SLC12A4: variants seen among roughly 807,000 people sequenced by gnomAD.
SLC12A4 encodes the protein solute carrier family 12 member 4, also known as electroneutral potassium-chloride cotransporter 1.
Under a neutral mutation model 119.2 loss-of-function variants are expected in SLC12A4, and 84 were observed. That is an observed-to-expected ratio of 0.70 (90% CI 0.59 to 0.85). The LOEUF (loss-of-function observed/expected upper bound fraction) is 0.85. Among genes scored for constraint, SLC12A4 ranks in the 40% least tolerant of loss-of-function variants. The probability of loss-of-function intolerance (pLI) is 0.00; values close to 1 mark genes in which losing one functional copy is unlikely to be tolerated. For synonymous variants in SLC12A4, 599 were observed against 604.6 expected (o/e 0.99, Z 0.14); for missense variants, 1,298 against 1,476.3 (o/e 0.88, Z 1.98).
At chr16:67,954,062 G>C in intron 6 of SLC12A4, 1 of 304,084 alleles carries the variant, frequency 3.3e-6, no homozygotes, top group South Asian at 2.4e-5. Flanking sequence ...TGGATCCCCA[G>C]GGGCGGGCAC....
rs531432718 is a variant in SLC12A4, at chr16:67,966,860, C to T, written c.115+1579G>A. On this transcript the variant is annotated intron_variant, in intron 1 of 23. Transcript: ENST00000316341. The stretch of plus-strand genomic sequence containing the variant: ...CAGTGGGAGGAGCTGGCCTAGCTTG[C>T]GGGGATCTAGCAGGACTCAGCCAAT... 8.8e-5 allele frequency: 135 copies of T among 1,536,838 alleles called. 3 individuals are homozygous for T. In the South Asian group the frequency reaches 1.3e-3, roughly 14 times the overall value.
chr16:67,961,504 GAA>G, intron 3 of SLC12A4, 69 bp downstream of exon 3: 1 of 1,571,152 alleles, frequency 6.4e-7, no homozygotes, highest in Non-Finnish European at 8.6e-7. Context: ...ACCATGTGGG[GAA>G]ACAGTCAATT....
chr16:67,947,808 A>G lies in SLC12A4; in HGVS notation c.1848-20T>C. On this transcript the variant is annotated intron_variant, in intron 14 of 23. Transcript: ENST00000316341. ...AGCGCCCTGGACGAGAGGGGAGGGC[A>G]GAGTCAGGGCAGGACCAGGAGGACC... The G allele has an allele frequency of 6.4e-7, 1 of 1,571,992 alleles. No individual in the cohort carries two copies. The highest frequency in any genetic ancestry group is 2.4e-5 in the East Asian group (1 of 42,390).
At chr16:67,960,102 G>A (rs1211626515) in intron 3 of SLC12A4, among the ~76,000 whole-genome samples, 2 of 152,216 alleles carry the variant, frequency 1.3e-5, no homozygotes, top group South Asian at 4.1e-4. Flanking sequence ...GCATCCTCAC[G>A]GGTTCCCCAT....
rs1172949597 is a variant in SLC12A4, at chr16:67,945,665, G to T, written c.2847+99C>A. ...GGAAATGAGCACTAGCTTGGGTAGG[G>T]CTGCGGTGAGTCATTCTGATTCCTC... On this transcript the variant is annotated intron_variant, in intron 21 of 23. Coordinates refer to ENST00000316341, the MANE Select transcript of SLC12A4 (RefSeq NM_005072.5). 8.7e-6 allele frequency: 13 copies of T among 1,492,268 alleles called. No homozygotes were observed. The East Asian group carries it at 2.7e-4, about 31-fold the overall frequency. The allele number at this position is 1,492,268 out of a possible 1,614,324, so 92.4% of individuals were successfully genotyped here.
Position 67,951,173 on chromosome 16 carries a change from C to G in SLC12A4, c.1264G>C (p.Val422Leu). 3.1e-6 allele frequency: 5 copies of G among 1,613,984 alleles called. No individual in the cohort carries two copies. The highest frequency in any genetic ancestry group is 4.2e-6 in the Non-Finnish European group (5 of 1,179,938). ...VVADIATSFT[V>L]LVGIFFPSVT... ...GAAGGGAAGAAGATGCCGACCAGCA[C>G]GGTGAAGGATGTGGCGATGTCAGCG... is the stretch of plus-strand genomic sequence containing the variant. The change falls in exon 9 of 24, where the codon GTG (valine) becomes CTG (leucine). Residue 422 changes from valine to leucine, a missense_variant. By Grantham distance (32) the Val-to-Leu change is conservative. Coordinates refer to ENST00000316341, the MANE Select transcript of SLC12A4 (RefSeq NM_005072.5). This position sits in a 1 kb window ranked among gnomAD's most constrained non-coding sequence, Gnocchi z 5.2.
intron 16 of SLC12A4, 105 bp downstream of exon 16, chr16:67,947,226 C>G: frequency 1.3e-6 from 2 of 1,482,058 alleles, no homozygotes; most frequent in Non-Finnish European, 1.8e-6. Context: ...CAGGAGGGTG[C>G]CCCGGGCAGC....
Position 67,949,805 on chromosome 16 carries a change from T to C in SLC12A4, c.1743A>G (p.Leu581=), listed in dbSNP as rs758604300. 8 of 1,607,422 alleles carry C rather than the reference T, an allele frequency of 5.0e-6. No individual in the cohort carries two copies. In the African/African-American group the frequency reaches 9.4e-5, roughly 19 times the overall value. ...IASLDMVAPI[L]SMFFLMCYLF... ...CCTGCCCGGCCCCAGCTCACATGGA[T>C]AAGATGGGGGCCACCATGTCGAGGG... The change falls in exon 13 of 24, where the codon TTA becomes TTG. Residue 581 remains leucine, a synonymous_variant. Transcript: ENST00000316341. This position sits in a 1 kb window ranked among gnomAD's most constrained non-coding sequence, Gnocchi z 4.6.
rs143251079 is a variant in SLC12A4, at chr16:67,945,096, C to T, written c.3157G>A (p.Asp1053Asn). 1.6e-5 allele frequency: 26 copies of T among 1,581,580 alleles called. No homozygotes were observed. Among genetic ancestry groups the T allele is most frequent in the Middle Eastern group, 1.7e-4 (1 of 5,934 alleles). ...CTCCACAAAGGGATACAGTTCTCGT[C>T]GCCCTCACTGTTCCTGGGTGGGCCA... is the stretch of plus-strand genomic sequence containing the variant. Reference protein sequence around the residue: ...MPGPPRNSEGDENYMEFLEVL... With the variant: ...MPGPPRNSEGNENYMEFLEVL... Residue 1053 changes from aspartate (D) to asparagine (N), a missense_variant, in exon 23 of 24, where the codon GAC (aspartate) becomes AAC (asparagine). Asp to Asn is a conservative substitution (Grantham distance 23). Transcript: ENST00000316341.
intron 1 of SLC12A4, chr16:67,966,976 T>C: frequency 1.7e-6 from 2 of 1,171,726 alleles, no homozygotes; most frequent in South Asian, 3.4e-5. Flanking sequence ...TGCCCACTGG[T>C]CCAGGCTGAT....
chr16:67,964,572 C>T (rs1052101913), intron 1 of SLC12A4, among the ~76,000 whole-genome samples: 4 of 152,138 alleles, frequency 2.6e-5, no homozygotes, highest in Non-Finnish European at 5.9e-5. Flanking sequence ...CCGGCCCTGG[C>T]TCAAGGCCTC....
rs758875059 is a variant in SLC12A4, at chr16:67,947,036, G to A, written c.2142C>T (p.Phe714=). The A allele has an allele frequency of 4.0e-5, 65 of 1,612,668 alleles. No individual in the cohort carries two copies. The highest frequency in any genetic ancestry group is 1.7e-4 in the Middle Eastern group (1 of 6,042). The change falls in exon 17 of 24, where the codon TTC becomes TTT. Residue 714 remains phenylalanine (F), a synonymous_variant. Coordinates refer to ENST00000316341, the MANE Select transcript of SLC12A4 (RefSeq NM_005072.5). ...LHVKYPRLLT[F]ASQLKAGKGL... ...CCTTGCCAGCCTTGAGCTGGGAGGC[G>A]AAGGTGAGGAGCCGCGGGTACTTCA...
chr16:67,944,483 G>A lies in SLC12A4; in HGVS notation c.*357C>T, dbSNP rs989822352. The A allele has an allele frequency of 1.9e-5, 24 of 1,244,908 alleles. No homozygotes were observed. Among genetic ancestry groups the A allele is most frequent in the African/African-American group, 6.1e-5 (4 of 66,044 alleles). The allele number at this position is 1,244,908 out of a possible 1,614,324, so 77.1% of individuals were successfully genotyped here. On this transcript the variant is annotated 3_prime_UTR_variant, in exon 24 of 24. Transcript: ENST00000316341. The surrounding 1 kb of genome is among the most constrained non-coding windows in gnomAD (Gnocchi z 6.6). ...TCCCTCCCTGGCTACCCTTCCCTTC[G>A]TCTCTGATGGTGACATCCAAACAAT...
At chr16:67,952,648 G>A (rs1030042800) in intron 6 of SLC12A4, among the ~76,000 whole-genome samples, 5 of 148,142 alleles carry the variant, frequency 3.4e-5, no homozygotes, top group African/African-American at 5.0e-5. Flanking sequence ...AAAATTAGCC[G>A]GGCGTGGTGG....
Position 67,943,609 on chromosome 16 carries a change from C to A in SLC12A4, c.*1231G>T. 1 of 507,988 alleles carries A rather than the reference C, an allele frequency of 2.0e-6. No homozygotes were observed. Among genetic ancestry groups the A allele is most frequent in the Non-Finnish European group, 3.6e-6 (1 of 279,952 alleles). The allele number at this position is 507,988 out of a possible 1,614,324, so 31.5% of individuals were successfully genotyped here. A position where few individuals can be genotyped will look rare whatever the true frequency, so the allele number is the denominator to read the frequency against. On this transcript the variant is annotated 3_prime_UTR_variant, in exon 24 of 24. Transcript: ENST00000316341. This position sits in a 1 kb window ranked among gnomAD's most constrained non-coding sequence, Gnocchi z 4.6. ...CCGATCCTGGGCTGGGCATCTTGTC[C>A]TTGGTGGGTGGGGGCCAAGGAAGGA...
intron 13 of SLC12A4, among the ~76,000 whole-genome samples, chr16:67,948,771 A>G (rs570683260): frequency 1.6e-3 from 244 of 152,136 alleles, no homozygotes; most frequent in African/African-American, 5.6e-3. Context: ...ATTTGGGCAC[A>G]AGGGGGGTCA....
chr16:67,945,582 G>C, intron 21 of SLC12A4, 29 bp from the exon 22 acceptor site: 4 of 1,602,928 alleles, frequency 2.5e-6, no homozygotes, highest in Non-Finnish European at 3.4e-6. Flanking sequence ...GATAGCCTTG[G>C]TCCCATAGGA....
At chr16:67,964,092 C>G in intron 1 of SLC12A4, 2 of 1,522,552 alleles carry the variant, frequency 1.3e-6, no homozygotes, top group South Asian at 2.4e-5. Context: ...GCAGGGCAGC[C>G]CGGGGCATGC....
rs1026340003 is a variant in SLC12A4 at position 67,945,758 on chromosome 16, A to C, written c.2847+6T>G. On this transcript the variant is annotated splice_donor_region_variant and intron_variant, in intron 21 of 23. Transcript: ENST00000316341. ...CGCCCTGGCGTGAACCACAAAGGGC[A>C]CTGACTTCTCGCTCCCGCTCAGTCT... 2 of 1,612,108 alleles carry C rather than the reference A, an allele frequency of 1.2e-6. No individual in the cohort carries two copies. The highest frequency in any genetic ancestry group is 1.7e-6 in the Non-Finnish European group (2 of 1,179,322).
Sources: gnomAD v4.1 joint callset for allele counts (sites outside exome capture counted in the v4.1 genomes callset) on GRCh38, gnomAD v4.1.1 for gene constraint, Gnocchi (gnomAD v3.1) non-coding constraint, MANE v1.5 for transcripts, NCBI Gene and HGNC (gene_info 2026-07-23, HGNC 2026-07-21) for gene names.